CACNA1B: variants seen among roughly 807,000 people sequenced by gnomAD.
CACNA1B encodes the protein calcium voltage-gated channel subunit alpha1 B.
CACNA1B carries 70 observed loss-of-function variants against 247.2 expected under a neutral mutation model. That is an observed-to-expected ratio of 0.28 (90% confidence interval 0.23 to 0.35). The LOEUF is 0.35. Among genes scored for constraint, CACNA1B ranks in the 10% least tolerant of loss-of-function variants. The pLI is 1.00. For synonymous variants in CACNA1B, 1,231 were observed against 1,294.4 expected, an observed-to-expected ratio of 0.95 and a Z score of 1.05; for missense variants, 2,367 against 3,197.4, an observed-to-expected ratio of 0.74 and a Z score of 6.26.
chr9:137,906,852 T>C (rs1019513285), intron 3 of CACNA1B, among the ~76,000 whole-genome samples: 28 of 152,264 alleles, frequency 1.8e-4, no homozygotes, highest in African/African-American at 6.8e-4. Flanking sequence ...TCTAGTCTTA[T>C]TTAACATACG....
rs1296704859 is a variant in CACNA1B, at chr9:137,986,882, G to T, written c.1974+28G>T. ...AAGGCACCTGCTCTGCACATTTGCG[G>T]CCTGCCCGGCTCCCGTCTCCCCTGG... On this transcript the variant is annotated intron_variant, in intron 15 of 46. Coordinates refer to ENST00000371372, the MANE Select transcript of CACNA1B (RefSeq NM_000718.4). This position sits in a 1 kb window ranked among gnomAD's most constrained non-coding sequence, Gnocchi z 6.0. 6.4e-7 allele frequency: 1 copy of T among 1,558,050 alleles called. No homozygotes were observed. The highest frequency in any genetic ancestry group is 1.1e-5 in the South Asian group (1 of 89,860).
At position 138,023,794 on chromosome 9, in the gene CACNA1B, C is replaced by A. The variant is rs1958883694; in HGVS notation, c.3051C>A (p.Leu1017=). ...TGGAAGCCGACAAGGAAAAGGAGCT[C>A]CGGAACCACCAGCCCCGGTGAGTCC... ...EIVEADKEKE[L]RNHQPREPHC... Residue 1017 remains leucine (L), a synonymous_variant, in exon 19 of 47, where the codon CTC becomes CTA. Transcript: ENST00000371372. 2 of 1,438,572 alleles carry A rather than the reference C, an allele frequency of 1.4e-6. No homozygotes were observed. Among genetic ancestry groups the A allele is most frequent in the Non-Finnish European group, 9.6e-7 (1 of 1,045,950 alleles). 89.1% of individuals were successfully genotyped at this position (1,438,572 alleles called of 1,614,324 possible).
rs533260740 is a variant in CACNA1B at position 138,041,480 on chromosome 9, T to C, written c.3287-2294T>C. Among the ~76,000 whole-genome samples, 66 of 152,158 alleles carry C rather than the reference T, an allele frequency of 4.3e-4. 1 individual carries two copies. Among genetic ancestry groups the C allele is most frequent in the Non-Finnish European group, 8.2e-4 (56 of 68,052 alleles). Reference sequence around the variant, plus strand: ...TTAATTTTTTTAACTATTAAGTCTTTTTAAAAATAGCCTTTCTCCTAGCCT... The same window carrying C: ...TTAATTTTTTTAACTATTAAGTCTTCTTAAAAATAGCCTTTCTCCTAGCCT... On this transcript the variant is annotated intron_variant, in intron 20 of 46. Transcript: ENST00000371372.
chr9:138,064,511 A>G (rs1959846068), intron 31 of CACNA1B, among the ~76,000 whole-genome samples: 2 of 152,132 alleles, frequency 1.3e-5, no homozygotes, highest in Non-Finnish European at 2.9e-5. Context: ...TTCTATATTT[A>G]CATATGTTAA....
chr9:137,980,975 C>T lies in CACNA1B; in HGVS notation c.1657-3163C>T, dbSNP rs115174615. On this transcript the variant is annotated intron_variant, in intron 12 of 46. Transcript: ENST00000371372. ...TGCTGTGGTGAACAAATGCATGTGT[C>T]TTTTTGGTAGAACGAGTTATAGTCC... Among the ~76,000 whole-genome samples the T allele has an allele frequency of 5.5e-3, 840 of 152,228 alleles. 7 individuals carry two copies. The highest frequency in any genetic ancestry group is 0.019 in the African/African-American group (799 of 41,532).
intron 6 of CACNA1B, among the ~76,000 whole-genome samples, chr9:137,947,896 G>A (rs2133329173): frequency 6.7e-6 from 1 of 149,988 alleles, no homozygotes; most frequent in African/African-American, 2.5e-5. Context: ...TGGCTATAAT[G>A]TGTTTGCCTG....
chr9:137,905,080 C>G (rs570357446), intron 3 of CACNA1B, among the ~76,000 whole-genome samples: 2 of 152,008 alleles, frequency 1.3e-5, no homozygotes, highest in Non-Finnish European at 2.9e-5. Flanking sequence ...AGGGGCCAGG[C>G]GTGGTGGCTT....
At chr9:137,931,850 C>A (rs1333548734) in intron 6 of CACNA1B, among the ~76,000 whole-genome samples, 1 of 151,972 alleles carries the variant, frequency 6.6e-6, no homozygotes, top group Non-Finnish European at 1.5e-5. Flanking sequence ...GTCCAAAAAC[C>A]AAGGCAAATA....
At chr9:138,009,648 T>C (rs1026365417) in intron 16 of CACNA1B, among the ~76,000 whole-genome samples, 11 of 152,126 alleles carry the variant, frequency 7.2e-5, no homozygotes, top group Non-Finnish European at 1.5e-5. Context: ...AGGCAGACCA[T>C]GGGCCCTCGT....
Position 137,882,297 on chromosome 9 carries a change from T to C in CACNA1B, c.391-447T>C, listed in dbSNP as rs994355004. 2.0e-5 allele frequency among the ~76,000 whole-genome samples: 3 copies of C among 152,174 alleles called. No individual in the cohort carries two copies. The highest frequency in any genetic ancestry group is 7.2e-5 in the African/African-American group (3 of 41,434). Reference sequence around the variant, plus strand: ...TGTCTCCCACATGTTAGAATGGGGATGACCTCATGGGGTATTAAAGGGCCA... The same window carrying C: ...TGTCTCCCACATGTTAGAATGGGGACGACCTCATGGGGTATTAAAGGGCCA... On this transcript the variant is annotated intron_variant, in intron 2 of 46. Transcript: ENST00000371372. This position sits in a 1 kb window ranked among gnomAD's most constrained non-coding sequence, Gnocchi z 4.0.
chr9:138,043,653 T>C, intron 20 of CACNA1B, 121 bp from the exon 21 acceptor site: 1 of 1,077,884 alleles, frequency 9.3e-7, no homozygotes, highest in Non-Finnish European at 1.4e-6. Context: ...TGCTTGCCCA[T>C]CCCTGGTGGG....
At chr9:137,890,626 C>T (rs1366850998) in intron 3 of CACNA1B, 1 of 150,498 alleles carries the variant, frequency 6.6e-6, no homozygotes, top group East Asian at 1.9e-4. Context: ...AGGCCGGGCT[C>T]CAGGGATGGG....
rs1958673199 is a variant in CACNA1B at position 138,007,853 on chromosome 9, G to A, written c.2092+969G>A. On this transcript the variant is annotated intron_variant, in intron 16 of 46. Transcript: ENST00000371372. The surrounding 1 kb of genome is among the most constrained non-coding windows in gnomAD (Gnocchi z 4.1). ...TCACACACGATGGCCACTCCACCCC[G>A]TCTGTCTGTCCTCGTCTCTGCCTCA... is the stretch of plus-strand genomic sequence containing the variant. Among the ~76,000 whole-genome samples the A allele has an allele frequency of 1.3e-5, 2 of 152,188 alleles. No individual in the cohort carries two copies. Among genetic ancestry groups the A allele is most frequent in the African/African-American group, 4.8e-5 (2 of 41,438 alleles).
intron 20 of CACNA1B, among the ~76,000 whole-genome samples, chr9:138,032,130 C>T (rs914072648): frequency 7.3e-5 from 11 of 151,716 alleles, no homozygotes; most frequent in Non-Finnish European, 1.5e-4. Flanking sequence ...TTCCTTTTAT[C>T]TGTAGTATTT....
At position 138,096,421 on chromosome 9, in the gene CACNA1B, G is replaced by C. The variant is rs1961057854; in HGVS notation, c.5095-63G>C. On this transcript the variant is annotated intron_variant, in intron 36 of 46. Coordinates refer to ENST00000371372, the MANE Select transcript of CACNA1B (RefSeq NM_000718.4). Reference sequence around the variant, plus strand: ...CTTCACACACACTGGAGAGTGGTGGGGGGCGGCGGGGAGGGCAGGCTGAGG... The same window carrying C: ...CTTCACACACACTGGAGAGTGGTGGCGGGCGGCGGGGAGGGCAGGCTGAGG... 4 of 1,468,922 alleles carry C rather than the reference G, an allele frequency of 2.7e-6. No individual in the cohort carries two copies. The South Asian group carries it at 4.8e-5, about 18-fold the overall frequency. 91.0% of individuals were successfully genotyped at this position (1,468,922 alleles called of 1,614,324 possible).
At chr9:138,068,489 TTG>T (rs918446842) in intron 31 of CACNA1B, 2 of 455,428 alleles carry the variant, frequency 4.4e-6, no homozygotes, top group African/African-American at 2.0e-5. Flanking sequence ...AGCACTGGTG[TTG>T]TGTTTCCCAG....
chr9:137,897,967 G>A (rs991546265), intron 3 of CACNA1B, among the ~76,000 whole-genome samples: 4 of 152,006 alleles, frequency 2.6e-5, no homozygotes, highest in Non-Finnish European at 5.9e-5. Flanking sequence ...TATTCTTTCT[G>A]TTTAGATAAA....
At position 138,093,367 on chromosome 9, in the gene CACNA1B, G is replaced by A. The variant is rs143065488; in HGVS notation, c.5095-3117G>A. Reference sequence around the variant, plus strand: ...CAGGAGATGGAAGTTGCAGTGAGCCGAGATCATGCCTGGGCTACAGAGTGA... The same window carrying A: ...CAGGAGATGGAAGTTGCAGTGAGCCAAGATCATGCCTGGGCTACAGAGTGA... On this transcript the variant is annotated intron_variant, in intron 36 of 46. Coordinates refer to ENST00000371372, the MANE Select transcript of CACNA1B (RefSeq NM_000718.4). Among the ~76,000 whole-genome samples, 521 of 127,898 alleles carry A rather than the reference G, an allele frequency of 4.1e-3. 4 individuals are homozygous for A. Among genetic ancestry groups the A allele is most frequent in the African/African-American group, 0.015 (507 of 32,782 alleles). The allele number at this position is 127,898 out of a possible 152,430, so 83.9% of individuals were successfully genotyped here.
At chr9:138,047,281 G>T in intron 22 of CACNA1B, 118 bp from the exon 23 acceptor site, 3 of 819,424 alleles carry the variant, frequency 3.7e-6, no homozygotes, top group Non-Finnish European at 6.1e-6. Flanking sequence ...TTTTCCACAG[G>T]CTTCCTGGCT....
Sources: gnomAD v4.1 joint callset for allele counts (sites outside exome capture counted in the v4.1 genomes callset) on GRCh38, gnomAD v4.1.1 for gene constraint, Gnocchi (gnomAD v3.1) non-coding constraint, MANE v1.5 for transcripts, NCBI Gene and HGNC (gene_info 2026-07-23, HGNC 2026-07-21) for gene names.